Variants in ZNF254 observed in about 807,000 individuals in gnomAD.
The protein encoded by ZNF254 is zinc finger protein 254.
In ZNF254, 10 loss-of-function variants were observed where a neutral mutation model predicts 12.4. The ratio of observed to expected loss-of-function variants is 0.80; its 90% CI spans 0.50 to 1.36. The LOEUF is 1.36. ZNF254 is among the 40% of genes most tolerant of loss of function. The probability of loss-of-function intolerance (pLI) is 0.00; values close to 1 mark genes in which losing one functional copy is unlikely to be tolerated. For missense variants in ZNF254, 996 were observed against 763.9 expected (o/e 1.30, Z -3.58); for synonymous variants, 305 against 253.4 (o/e 1.20, Z -1.93).
chr19:24,102,298 G>A (rs1412147744), intron 1 of ZNF254, among the ~76,000 whole-genome samples: 8 of 150,260 alleles, frequency 5.3e-5, no homozygotes, highest in African/African-American at 2.0e-4. Context: ...AACCTTAAGG[G>A]ATTTGTTTAA....
chr19:24,086,443 T>C (rs1238279641), upstream of ZNF254, among the ~76,000 whole-genome samples: 1 of 151,664 alleles, frequency 6.6e-6, no homozygotes, highest in Non-Finnish European at 1.5e-5. Flanking sequence ...GAAGCTGGGG[T>C]TATAGGCGTG....
At chr19:24,063,781 C>CTTTTTTTTTTTTT (rs35652625) in intron 2 of ZNF254, 2 of 140,558 alleles carry the variant, frequency 1.4e-5, no homozygotes. Flanking sequence ...GGTGATGTTA[C>CTTTTTTTTTTTTT]TTTTTTTTTT....
chr19:24,110,209 AATT>A (rs1286052246), intron 3 of ZNF254, among the ~76,000 whole-genome samples: 1 of 152,168 alleles, frequency 6.6e-6, no homozygotes, highest in South Asian at 2.1e-4. Flanking sequence ...AGTTTTTAAA[AATT>A]ATTGTTGTAA....
chr19:24,036,868 A>G (rs1206615264), intron 1 of ZNF254, among the ~76,000 whole-genome samples: 4 of 152,184 alleles, frequency 2.6e-5, no homozygotes, highest in Admixed American at 2.0e-4. Context: ...CCCACTAGGA[A>G]TGGGTGTGGC....
intron 2 of ZNF254, among the ~76,000 whole-genome samples, chr19:24,070,527 C>T (rs1240346435): frequency 6.6e-6 from 1 of 152,170 alleles, no homozygotes; most frequent in East Asian, 1.9e-4. Flanking sequence ...ACTGAGAAGA[C>T]AGAGTCTAAA....
At chr19:24,101,500 T>C (rs977864820) in intron 1 of ZNF254, among the ~76,000 whole-genome samples, 1 of 152,186 alleles carries the variant, frequency 6.6e-6, no homozygotes, top group Non-Finnish European at 1.5e-5. Flanking sequence ...GATGGCAGAA[T>C]CTCTTAAGTG....
At chr19:24,120,203 A>G (rs1209080578) in intron 3 of ZNF254, among the ~76,000 whole-genome samples, 3 of 152,132 alleles carry the variant, frequency 2.0e-5, no homozygotes, top group Admixed American at 6.5e-5. Context: ...CTTATTCTCT[A>G]TCATGAGAAC....
At chr19:24,113,989 C>A (rs1973874308) in intron 3 of ZNF254, among the ~76,000 whole-genome samples, 1 of 151,932 alleles carries the variant, frequency 6.6e-6, no homozygotes, top group Admixed American at 6.6e-5. Flanking sequence ...AGGACCTCTT[C>A]AAGGAGAACT....
At chr19:24,121,564 A>T (rs943068809) in intron 3 of ZNF254, among the ~76,000 whole-genome samples, 12 of 150,300 alleles carry the variant, frequency 8.0e-5, no homozygotes, top group East Asian at 3.9e-4. Flanking sequence ...TCTTTTTTAA[A>T]TTTTTTTTTT....
chr19:24,104,898 C>T (rs1198369092), intron 1 of ZNF254: 1 of 152,096 alleles, frequency 6.6e-6, no homozygotes, highest in Admixed American at 6.6e-5. Context: ...CCAGAAAGCT[C>T]TGAAAAAATT....
rs1399939149 is a variant in ZNF254, at chr19:24,128,994, CTAAT to C, written c.*1016_*1019del. On this transcript the variant is annotated 3_prime_UTR_variant, in exon 4 of 4. Transcript: ENST00000357002. ...TGTATTCATATGTGAAAGCATGTGA[CTAAT>C]TGTTGCTGCATAAAAGATATGAGAT... The C allele has an allele frequency of 1.4e-5, 2 of 147,358 alleles. No homozygotes were observed. The highest frequency in any genetic ancestry group is 2.1e-4 in the South Asian group (1 of 4,728). 9.1% of individuals were successfully genotyped at this position (147,358 alleles called of 1,614,324 possible).
At chr19:24,060,577 C>G (rs1971028733) in intron 2 of ZNF254, among the ~76,000 whole-genome samples, 1 of 152,106 alleles carries the variant, frequency 6.6e-6, no homozygotes. Flanking sequence ...ATCTCTGGGC[C>G]CAGCACCTAG....
chr19:24,049,214 A>ATATATATTTTTTTTTTT (rs1160333151), intron 2 of ZNF254, among the ~76,000 whole-genome samples: 1 of 40,868 alleles, frequency 2.4e-5, no homozygotes, highest in African/African-American at 1.4e-4. Context: ...ATATATATAT[A>ATATATATTTTTTTTTTT]TTTTTTTTTT....
At chr19:24,119,352 T>A (rs1210052305) in intron 3 of ZNF254, among the ~76,000 whole-genome samples, 1 of 151,894 alleles carries the variant, frequency 6.6e-6, no homozygotes, top group Non-Finnish European at 1.5e-5. Flanking sequence ...CGACCATGCC[T>A]GGCGAATTTT....
chr19:24,085,408 G>GTATATATATA (rs377541868), upstream of ZNF254, among the ~76,000 whole-genome samples: 432 of 32,700 alleles, frequency 0.013, 48 homozygotes, highest in African/African-American at 0.044. Flanking sequence ...TTTGTTAAGG[G>GTATATATATA]TATATATATA....
chr19:24,112,392 C>T (rs1973742074), intron 3 of ZNF254, among the ~76,000 whole-genome samples: 1 of 145,914 alleles, frequency 6.9e-6, no homozygotes, highest in African/African-American at 2.5e-5. Flanking sequence ...ATGATGCCTC[C>T]AGCTTTGTTC....
chr19:24,079,840 A>T (rs1362163084), intron 2 of ZNF254: 1 of 152,200 alleles, frequency 6.6e-6, no homozygotes, highest in Non-Finnish European at 1.5e-5. Context: ...GGAAGAAGAG[A>T]TCATATGGTC....
rs1178685660 is a variant in ZNF254 at position 24,113,721 on chromosome 19, A to G, written c.253+7078A>G. Among the ~76,000 whole-genome samples the G allele has an allele frequency of 3.3e-5, 5 of 152,322 alleles. No individual in the cohort carries two copies. The East Asian group carries it at 7.7e-4, about 23-fold the overall frequency. Reference sequence around the variant, plus strand: ...AGGAGAAGGAAATAAAGGGTATTCAATTAGGAAAAGAGGAAGTCAAATTGT... The same window carrying G: ...AGGAGAAGGAAATAAAGGGTATTCAGTTAGGAAAAGAGGAAGTCAAATTGT... On this transcript the variant is annotated intron_variant, in intron 3 of 3. Transcript: ENST00000357002.
At chr19:24,094,796 CTT>C (rs1972580457) in intron 1 of ZNF254, among the ~76,000 whole-genome samples, 2 of 152,130 alleles carry the variant, frequency 1.3e-5, no homozygotes, top group African/African-American at 4.8e-5. Context: ...AAGTGATTCT[CTT>C]TGCTCAGCCT....
Sources: gnomAD v4.1 joint callset for allele counts (sites outside exome capture counted in the v4.1 genomes callset) on GRCh38, gnomAD v4.1.1 for gene constraint, MANE v1.5 for transcripts, NCBI Gene and HGNC (gene_info 2026-07-23, HGNC 2026-07-21) for gene names.